The following C2 variants were observed in gnomAD, a reference collection of about 807,000 sequenced individuals.
The protein encoded by C2 is complement C2.
Under a neutral mutation model 85.2 loss-of-function variants are expected in C2, and 64 were observed. That is an observed-to-expected ratio of 0.75 (90% CI 0.61 to 0.92). C2 has a LOEUF of 0.92. Among genes scored for constraint, C2 ranks in the 40% least tolerant of loss-of-function variants. C2 has a pLI of 0.00. For missense variants in C2, 820 were observed against 971.6 expected (o/e 0.84, Z 2.07); for synonymous variants, 311 against 370.8 (o/e 0.84, Z 1.85).
At chr6:31,898,906 C>G (rs913056379), upstream of C2, among the ~76,000 whole-genome samples, 4 of 151,758 alleles carry the variant, frequency 2.6e-5, no homozygotes, top group Non-Finnish European at 5.9e-5. Flanking sequence ...AGTCCCTGAC[C>G]AGAGGAGCTC....
At chr6:31,903,427 C>T (rs112525061) in intron 1 of C2, among the ~76,000 whole-genome samples, 9 of 152,014 alleles carry the variant, frequency 5.9e-5, no homozygotes, top group African/African-American at 1.9e-4. Context: ...GTCAGGAGTT[C>T]GAGACCAGCC....
upstream of C2, chr6:31,900,786 G>C (rs765085960): frequency 1.3e-6 from 2 of 1,592,950 alleles, no homozygotes; most frequent in Admixed American, 3.4e-5. This position sits in a 1 kb window ranked among gnomAD's most constrained non-coding sequence, Gnocchi z 9.7. Flanking sequence ...AGGAGTGGAG[G>C]GGGTAGAGGA....
Position 31,921,621 on chromosome 6 carries a change from C to T in C2, c.-100+1595C>T, listed in dbSNP as rs988894257. ...TGCTGCCTGGGTTTGAATCCCGGCT[C>T]TGCTGCTTAGTACCTGTATGAACCT... On this transcript the variant is annotated intron_variant, in intron 1 of 3. Transcript: ENST00000413154. The surrounding 1 kb of genome is among the most constrained non-coding windows in gnomAD (Gnocchi z 4.6). Among the ~76,000 whole-genome samples, 1 of 152,134 alleles carries T rather than the reference C, an allele frequency of 6.6e-6. No individual in the cohort carries two copies. Among genetic ancestry groups the T allele is most frequent in the African/African-American group, 2.4e-5 (1 of 41,422 alleles).
Position 31,934,272 on chromosome 6 carries a change from G to T in C2, c.822G>T (p.Lys274Asn). The change falls in exon 6 of 18, where the codon AAG (lysine) becomes AAT (asparagine). Residue 274 changes from lysine (K) to asparagine (N), a missense_variant. Lys to Asn is a moderately conservative substitution (Grantham distance 94, BLOSUM62 0). Transcript: ENST00000299367. ...CGGAAAATGACTTTCTCATCTTCAA[G>T]GAGAGCGCCTCCCTCATGGTGGACA... ...SVSENDFLIF[K>N]ESASLMVDRI... 6.2e-7 allele frequency: 1 copy of T among 1,614,120 alleles called. No individual in the cohort carries two copies. Among genetic ancestry groups the T allele is most frequent in the South Asian group, 1.1e-5 (1 of 91,084 alleles).
chr6:31,932,121 A>AC (rs1293017449), intron 3 of C2, among the ~76,000 whole-genome samples: 8 of 122,620 alleles, frequency 6.5e-5, no homozygotes, highest in South Asian at 2.8e-4. Context: ...CGAGGGGCTG[A>AC]CCCCCCCACC....
Position 31,944,960 on chromosome 6 carries a change from C to T in C2, c.2030-20C>T, listed in dbSNP as rs780808334. ...CCACTGCCCTAGATGACACTGTCTCCTGTCACCCTTTGCTGGCAGGAGAAT... is the reference window on the plus strand; with the variant it reads ...CCACTGCCCTAGATGACACTGTCTCTTGTCACCCTTTGCTGGCAGGAGAAT... On this transcript the variant is annotated intron_variant, in intron 16 of 17. Coordinates refer to ENST00000299367, the MANE Select transcript of C2 (RefSeq NM_000063.6). The surrounding 1 kb of genome is among the most constrained non-coding windows in gnomAD (Gnocchi z 5.1). The T allele has an allele frequency of 6.2e-7, 1 of 1,613,104 alleles. No individual in the cohort carries two copies. The highest frequency in any genetic ancestry group is 8.5e-7 in the Non-Finnish European group (1 of 1,180,018).
At chr6:31,914,394 C>T (rs2151717639) in intron 1 of C2, among the ~76,000 whole-genome samples, 1 of 122,278 alleles carries the variant, frequency 8.2e-6, no homozygotes, top group African/African-American at 2.7e-5. Context: ...AGTTCGAGAC[C>T]AGCCTGGCCA....
At position 31,921,471 on chromosome 6, in the gene C2, C is replaced by T. The variant is rs536809242; in HGVS notation, c.-100+1445C>T. Among the ~76,000 whole-genome samples the T allele has an allele frequency of 6.6e-6, 1 of 152,014 alleles. No individual in the cohort carries two copies. Among genetic ancestry groups the T allele is most frequent in the African/African-American group, 2.4e-5 (1 of 41,456 alleles). On this transcript the variant is annotated intron_variant, in intron 1 of 3. Transcript: ENST00000413154. This position sits in a 1 kb window ranked among gnomAD's most constrained non-coding sequence, Gnocchi z 4.6. The stretch of plus-strand genomic sequence containing the variant: ...AGGAAAGAGCCTAGGGGAGAGAGGG[C>T]TTGGAAATGCAAGGGGCTGGGGTAG...
chr6:31,929,808 G>A (rs1165587233), intron 3 of C2, among the ~76,000 whole-genome samples: 3 of 150,564 alleles, frequency 2.0e-5, no homozygotes, highest in African/African-American at 7.3e-5. Context: ...TGGATCACCT[G>A]AGGTCAGGAG....
At chr6:31,898,062 T>G (rs1435258427), upstream of C2, 1 of 241,796 alleles carries the variant, frequency 4.1e-6, no homozygotes, top group Non-Finnish European at 6.7e-6. Context: ...GGTTACCAGA[T>G]AGAAGGCTTG....
upstream of C2, among the ~76,000 whole-genome samples, chr6:31,918,941 A>G (rs1268250307): frequency 6.6e-6 from 1 of 151,740 alleles, no homozygotes; most frequent in Non-Finnish European, 1.5e-5. Flanking sequence ...GTATATAGAC[A>G]TGAACCCAGA....
At chr6:31,899,438 T>TGGGACTCAGTAATCTTTTCCC (rs1767011788), upstream of C2, among the ~76,000 whole-genome samples, 1 of 151,896 alleles carries the variant, frequency 6.6e-6, no homozygotes, top group Non-Finnish European at 1.5e-5. Context: ...CTTCCTTTTC[T>TGGGACTCAGTAATCTTTTCCC]GGGACTCAGT....
At chr6:31,916,199 G>A (rs1768490178), upstream of C2, among the ~76,000 whole-genome samples, 1 of 152,108 alleles carries the variant, frequency 6.6e-6, no homozygotes, top group Non-Finnish European at 1.5e-5. Context: ...TAATTTAGGT[G>A]ATCCCAGAAA....
At chr6:31,928,988 T>A in intron 3 of C2, 71 bp downstream of exon 3, 1 of 1,389,846 alleles carries the variant, frequency 7.2e-7, no homozygotes. Context: ...CCAATGTGCA[T>A]CCAGGAAGCC....
At chr6:31,927,443 G>T, upstream of C2, 1 of 1,354,858 alleles carries the variant, frequency 7.4e-7, no homozygotes, top group Non-Finnish European at 9.6e-7. This position sits in a 1 kb window ranked among gnomAD's most constrained non-coding sequence, Gnocchi z 4.7. Context: ...GTGAGCATGC[G>T]TGTATGGTGC....
chr6:31,933,086 G>C (rs1170141479), intron 3 of C2, among the ~76,000 whole-genome samples: 2 of 143,628 alleles, frequency 1.4e-5, no homozygotes, highest in Non-Finnish European at 3.2e-5. Flanking sequence ...GCTTCGGCTC[G>C]GCATCAGAGG....
Position 31,928,145 on chromosome 6 carries a change from G to T in C2, c.237G>T (p.Leu79=). ...AGACCCCAGGAGCCACCCGGTCTCT[G>T]TCTAAGGCGGTCTGCAAACGTGAGG... is the stretch of plus-strand genomic sequence containing the variant. ...QWQTPGATRS[L]SKAVCKPVRC... is the part of the protein sequence containing the mutation. The change falls in exon 2 of 18, where the codon CTG becomes CTT. Residue 79 remains leucine (L), a synonymous_variant. Transcript: ENST00000299367. 6.2e-7 allele frequency: 1 copy of T among 1,610,012 alleles called. No individual in the cohort carries two copies.
chr6:31,912,397 C>T (rs1409973214), intron 1 of C2, among the ~76,000 whole-genome samples: 1 of 152,190 alleles, frequency 6.6e-6, no homozygotes, highest in Non-Finnish European at 1.5e-5. Flanking sequence ...TCCATGACAC[C>T]CCTGTATCCA....
Position 31,928,743 on chromosome 6 carries a change from C to T in C2, c.268C>T (p.Pro90Ser), listed in dbSNP as rs776873746. The change falls in exon 3 of 18, where the codon CCA becomes TCA. Residue 90 changes from proline (P) to serine (S), a missense_variant. Transcript: ENST00000299367. Reference protein sequence around the residue: ...SKAVCKPVRCPAPVSFENGIY... With the variant: ...SKAVCKPVRCSAPVSFENGIY... ...TCCTCTCTCTCCAGCTGTGCGCTGT[C>T]CAGCCCCTGTCTCCTTTGAGAATGG... The T allele has an allele frequency of 3.1e-6, 5 of 1,614,242 alleles. No individual in the cohort carries two copies. Among genetic ancestry groups the T allele is most frequent in the Non-Finnish European group, 4.2e-6 (5 of 1,180,038 alleles).
Sources: gnomAD v4.1 joint callset for allele counts (sites outside exome capture counted in the v4.1 genomes callset) on GRCh38, gnomAD v4.1.1 for gene constraint, Gnocchi (gnomAD v3.1) non-coding constraint, MANE v1.5 for transcripts, NCBI Gene and HGNC (gene_info 2026-07-23, HGNC 2026-07-21) for gene names.